The following KIF16B variants were observed in gnomAD, a reference collection of about 807,000 sequenced individuals.
KIF16B encodes the protein kinesin family member 16B.
Under a neutral mutation model 156.3 loss-of-function variants are expected in KIF16B, and 98 were observed. That is an observed-to-expected ratio of 0.63 (90% CI 0.53 to 0.74). The LOEUF (loss-of-function observed/expected upper bound fraction) is 0.74, where lower values mean the gene tolerates loss of function less well. Ranked by LOEUF, KIF16B falls within the 30% of genes least tolerant of loss-of-function variation. The probability of loss-of-function intolerance (pLI) is 0.00; values close to 1 mark genes in which losing one functional copy is unlikely to be tolerated. For missense variants in KIF16B, 1,421 were observed against 1,606.5 expected, an observed-to-expected ratio of 0.88 and a Z score of 1.97; for synonymous variants, 564 against 583.7, an observed-to-expected ratio of 0.97 and a Z score of 0.49.
At chr20:16,476,467 A>T (rs1171053153) in intron 12 of KIF16B, among the ~76,000 whole-genome samples, 1 of 152,250 alleles carries the variant, frequency 6.6e-6, no homozygotes, top group Non-Finnish European at 1.5e-5. Context: ...AGGATTTTGC[A>T]GACATTAAAA....
intron 22 of KIF16B, chr20:16,368,793 C>G: frequency 2.0e-6 from 2 of 985,846 alleles, no homozygotes; most frequent in Non-Finnish European, 1.2e-6. Flanking sequence ...CCTTGCCTTG[C>G]CTGGCCTGCT....
chr20:16,302,937 C>G (rs2063493729), intron 25 of KIF16B, among the ~76,000 whole-genome samples: 1 of 152,092 alleles, frequency 6.6e-6, no homozygotes, highest in South Asian at 2.1e-4. Context: ...CATAAACAAT[C>G]ACATCATCTG....
intron 15 of KIF16B, 104 bp from the exon 16 acceptor site, chr20:16,406,560 T>C (rs2065792272): frequency 5.1e-6 from 5 of 982,778 alleles, no homozygotes; most frequent in East Asian, 2.4e-5. Context: ...TCCAGTGTAT[T>C]ATAAAATAAT....
chr20:16,560,234 C>T (rs781445118), intron 1 of KIF16B, among the ~76,000 whole-genome samples: 3 of 152,124 alleles, frequency 2.0e-5, no homozygotes, highest in Non-Finnish European at 2.9e-5. Flanking sequence ...CAGATATTTT[C>T]GTAAAGCCTT....
chr20:16,326,618 C>T (rs188928884), intron 24 of KIF16B, among the ~76,000 whole-genome samples: 172 of 151,822 alleles, frequency 1.1e-3, no homozygotes, highest in South Asian at 5.8e-3. Context: ...ACCCACAATG[C>T]GATACCACCT....
At chr20:16,473,369 T>A (rs1371160913) in intron 12 of KIF16B, among the ~76,000 whole-genome samples, 2 of 152,216 alleles carry the variant, frequency 1.3e-5, no homozygotes, top group Non-Finnish European at 2.9e-5. Flanking sequence ...CAGAACCATA[T>A]TAATACTAAA....
At chr20:16,338,170 G>A (rs75869573) in intron 23 of KIF16B, among the ~76,000 whole-genome samples, 2,430 of 152,176 alleles carry the variant, frequency 0.016, 60 homozygotes, top group African/African-American at 0.051. Flanking sequence ...ACTGAAACCC[G>A]GCTCTCCCGT....
Position 16,381,753 on chromosome 20 carries a change from A to G in KIF16B, c.1785-6T>C. The G allele has an allele frequency of 6.2e-7, 1 of 1,608,050 alleles. No individual in the cohort carries two copies. Among genetic ancestry groups the G allele is most frequent in the East Asian group, 2.2e-5 (1 of 44,774 alleles). ...GTTGCCTCTCAAATTCAAGTCTAAT[A>G]AAATCAAATGAAAATGAGTCACTTT... On this transcript the variant is annotated splice_region_variant and splice_polypyrimidine_tract_variant and intron_variant, in intron 17 of 25. Coordinates refer to ENST00000354981, the MANE Select transcript of KIF16B (RefSeq NM_024704.5).
intron 25 of KIF16B, among the ~76,000 whole-genome samples, chr20:16,303,527 T>G (rs111864244): frequency 6.6e-6 from 1 of 152,348 alleles, no homozygotes; most frequent in Admixed American, 6.5e-5. Context: ...CTCAAACCCA[T>G]GTTTACAAAT....
At chr20:16,529,271 C>A (rs1270138957) in intron 1 of KIF16B, among the ~76,000 whole-genome samples, 1 of 152,108 alleles carries the variant, frequency 6.6e-6, no homozygotes, top group Non-Finnish European at 1.5e-5. Flanking sequence ...ATACTTTGAT[C>A]TGGAGGTCAT....
At chr20:16,325,563 A>C (rs1448696228) in intron 24 of KIF16B, among the ~76,000 whole-genome samples, 1 of 110,874 alleles carries the variant, frequency 9.0e-6, no homozygotes, top group Non-Finnish European at 2.1e-5. Context: ...TAGCTGAAAA[A>C]AAAAAAAAAC....
intron 15 of KIF16B, among the ~76,000 whole-genome samples, chr20:16,413,085 CA>C (rs2146324844): frequency 6.6e-6 from 1 of 152,118 alleles, no homozygotes; most frequent in African/African-American, 2.4e-5. Context: ...TCTTGTCAAC[CA>C]TGAACCATTT....
intron 22 of KIF16B, chr20:16,369,219 T>C (rs2064756638): frequency 2.0e-6 from 2 of 985,832 alleles, no homozygotes; most frequent in South Asian, 4.7e-5. Flanking sequence ...CAGTGGCATC[T>C]CTGGGCAGAA....
chr20:16,315,695 C>T (rs753655006), intron 24 of KIF16B, among the ~76,000 whole-genome samples: 1 of 152,010 alleles, frequency 6.6e-6, no homozygotes, highest in Non-Finnish European at 1.5e-5. Flanking sequence ...CTGGAGCTCC[C>T]CAGAAGTCCA....
intron 25 of KIF16B, among the ~76,000 whole-genome samples, chr20:16,278,113 GCCA>G (rs2063091470): frequency 1.7e-5 from 2 of 118,762 alleles, no homozygotes; most frequent in African/African-American, 3.3e-5. Context: ...GGATGGCGGA[GCCA>G]AAGGGGGCCT....
At chr20:16,437,808 C>A (rs1160947662) in intron 12 of KIF16B, among the ~76,000 whole-genome samples, 1 of 151,902 alleles carries the variant, frequency 6.6e-6, no homozygotes, top group Non-Finnish European at 1.5e-5. Flanking sequence ...TGTCTAGTAA[C>A]TTACATGTTT....
chr20:16,565,742 A>T (rs2071228962), intron 1 of KIF16B, among the ~76,000 whole-genome samples: 1 of 152,224 alleles, frequency 6.6e-6, no homozygotes, highest in Non-Finnish European at 1.5e-5. Flanking sequence ...CGGAGTTCCC[A>T]CCAGCACCCC....
chr20:16,486,483 A>G (rs1266866143), intron 12 of KIF16B, among the ~76,000 whole-genome samples: 1 of 152,212 alleles, frequency 6.6e-6, no homozygotes, highest in Non-Finnish European at 1.5e-5. Flanking sequence ...CAAAAGTTTG[A>G]AAATAGTTTT....
intron 17 of KIF16B, among the ~76,000 whole-genome samples, chr20:16,393,763 C>A (rs1439198196): frequency 6.6e-6 from 1 of 151,986 alleles, no homozygotes; most frequent in Non-Finnish European, 1.5e-5. Flanking sequence ...AATAAGTAGC[C>A]CAGGAGGTAA....
Sources: allele counts gnomAD v4.1 joint callset (sites outside exome capture counted in the v4.1 genomes callset), GRCh38; gene constraint gnomAD v4.1.1; transcripts MANE v1.5; gene names NCBI Gene and HGNC (gene_info 2026-07-23, HGNC 2026-07-21).